Variants in PACRG observed in about 807,000 individuals in gnomAD.
PACRG encodes the protein parkin coregulated gene protein.
A neutral mutation model predicts 29.7 loss-of-function variants in PACRG; 29 were observed. That is an observed-to-expected ratio of 0.98 (90% CI 0.73 to 1.33). PACRG has a LOEUF of 1.33. Ranked by LOEUF, PACRG falls within the 40% of genes most tolerant of loss-of-function variation. The pLI is 0.00. For missense variants in PACRG, 279 were observed against 316.2 expected (o/e 0.88, Z 0.89); for synonymous variants, 116 against 118.7 (o/e 0.98, Z 0.15).
chr6:162,730,484 A>T (rs1330628437), intron 1 of PACRG, among the ~76,000 whole-genome samples: 1 of 152,138 alleles, frequency 6.6e-6, no homozygotes, highest in East Asian at 1.9e-4. Flanking sequence ...CACCTAAAAC[A>T]TGAAGAACTG....
At chr6:163,214,695 G>A (rs994220754) in intron 4 of PACRG, among the ~76,000 whole-genome samples, 8 of 151,844 alleles carry the variant, frequency 5.3e-5, no homozygotes, top group African/African-American at 1.7e-4. Flanking sequence ...GGTATATTTT[G>A]TAATCTTTTG....
chr6:162,889,746 G>A (rs1477582706), intron 2 of PACRG, among the ~76,000 whole-genome samples: 2 of 152,188 alleles, frequency 1.3e-5, no homozygotes. Context: ...GAGTTTTATA[G>A]TCCGGTTATT....
intron 1 of PACRG, among the ~76,000 whole-genome samples, chr6:162,807,843 C>G (rs1052056803): frequency 2.0e-5 from 3 of 152,122 alleles, no homozygotes; most frequent in African/African-American, 4.8e-5. Flanking sequence ...ATCTGTGAAG[C>G]ACAATAAACC....
chr6:162,927,468 A>G (rs2137876), intron 2 of PACRG, among the ~76,000 whole-genome samples: 1 of 152,184 alleles, frequency 6.6e-6, no homozygotes, highest in Non-Finnish European at 1.5e-5. Flanking sequence ...AATACTATGC[A>G]GCCATAAAAA....
chr6:163,281,029 A>G (rs1784208738), intron 4 of PACRG, among the ~76,000 whole-genome samples: 1 of 152,166 alleles, frequency 6.6e-6, no homozygotes, highest in African/African-American at 2.4e-5. Flanking sequence ...AAAGGGTATC[A>G]TTTGAACTGA....
chr6:162,748,604 T>C (rs532439472), intron 1 of PACRG, among the ~76,000 whole-genome samples: 1 of 152,280 alleles, frequency 6.6e-6, no homozygotes, highest in South Asian at 2.1e-4. Flanking sequence ...CTCAAATCAA[T>C]AATTATTTTC....
At chr6:163,019,391 A>C (rs1387240507) in intron 2 of PACRG, among the ~76,000 whole-genome samples, 7 of 151,808 alleles carry the variant, frequency 4.6e-5, no homozygotes, top group African/African-American at 1.7e-4. Flanking sequence ...TTTTAGCTGG[A>C]TTTTCTCTTT....
chr6:162,899,870 C>G (rs1474486956), intron 2 of PACRG, among the ~76,000 whole-genome samples: 4 of 152,116 alleles, frequency 2.6e-5, no homozygotes, highest in African/African-American at 9.7e-5. Context: ...GAAACTGAAG[C>G]TGGAAATGAA....
intron 2 of PACRG, among the ~76,000 whole-genome samples, chr6:163,034,269 C>T (rs1807953040): frequency 6.6e-6 from 1 of 152,178 alleles, no homozygotes; most frequent in Non-Finnish European, 1.5e-5. Flanking sequence ...CTCCCCATGT[C>T]CCACAATCCC....
intron 2 of PACRG, among the ~76,000 whole-genome samples, chr6:163,028,391 C>G (rs1052204547): frequency 6.6e-5 from 10 of 152,080 alleles, no homozygotes; most frequent in African/African-American, 2.4e-4. Flanking sequence ...AGATTTTGAT[C>G]ATTTTGCACC....
At chr6:162,947,536 A>C (rs1320872539) in intron 2 of PACRG, among the ~76,000 whole-genome samples, 1 of 110,636 alleles carries the variant, frequency 9.0e-6, no homozygotes, top group African/African-American at 4.1e-5. Context: ...ATATATACTC[A>C]TATATAATCA....
chr6:163,045,507 G>A (rs1809246584), intron 2 of PACRG, among the ~76,000 whole-genome samples: 1 of 151,808 alleles, frequency 6.6e-6, no homozygotes, highest in Admixed American at 6.6e-5. Context: ...TATATTTTTA[G>A]TAGAGATGGG....
chr6:162,819,002 C>T (rs1018272771), intron 2 of PACRG, among the ~76,000 whole-genome samples: 2 of 152,136 alleles, frequency 1.3e-5, no homozygotes, highest in African/African-American at 4.8e-5. Context: ...CCCCACTGCC[C>T]GCACAGCACC....
At chr6:162,760,050 A>G (rs544378046) in intron 1 of PACRG, among the ~76,000 whole-genome samples, 2 of 152,276 alleles carry the variant, frequency 1.3e-5, no homozygotes, top group African/African-American at 4.8e-5. Flanking sequence ...CCAAAGTTTC[A>G]TTCCTGATTG....
chr6:163,136,368 C>A (rs892332820), intron 4 of PACRG, among the ~76,000 whole-genome samples: 2 of 152,170 alleles, frequency 1.3e-5, no homozygotes, highest in Non-Finnish European at 2.9e-5. Context: ...CTTTGTGTTT[C>A]TATTTGAATT....
chr6:163,166,048 G>C, intron 4 of PACRG: 1 of 453,646 alleles, frequency 2.2e-6, no homozygotes, highest in South Asian at 1.6e-5. Flanking sequence ...ATCTAAATCC[G>C]AGTGTAATGA....
chr6:163,117,949 G>T (rs1464858957), intron 4 of PACRG, among the ~76,000 whole-genome samples: 3 of 152,092 alleles, frequency 2.0e-5, no homozygotes, highest in African/African-American at 7.2e-5. Context: ...TTAAAATTAG[G>T]TTGAGGTTTA....
At chr6:162,847,050 G>T (rs9356067) in intron 2 of PACRG, among the ~76,000 whole-genome samples, 1 of 123,688 alleles carries the variant, frequency 8.1e-6, no homozygotes, top group South Asian at 2.4e-4. Flanking sequence ...GCTGACTGCC[G>T]TGCTCCTCAT....
intron 4 of PACRG, among the ~76,000 whole-genome samples, chr6:163,292,631 ACAGG>A (rs1425023922): frequency 7.1e-6 from 1 of 141,704 alleles, no homozygotes; most frequent in Non-Finnish European, 1.6e-5. Context: ...CACCATGTTA[ACAGG>A]CTGGTCTCAA....
Sources: gnomAD v4.1 joint callset for allele counts (sites outside exome capture counted in the v4.1 genomes callset) on GRCh38, gnomAD v4.1.1 for gene constraint, MANE v1.5 for transcripts, NCBI Gene and HGNC (gene_info 2026-07-23, HGNC 2026-07-21) for gene names.